MARCHF1: variants seen among roughly 807,000 people sequenced by gnomAD.
MARCHF1 encodes membrane associated ring-CH-type finger 1, also known as E3 ubiquitin-protein ligase MARCHF1.
Under a neutral mutation model 54.2 loss-of-function variants are expected in MARCHF1, and 40 were observed. The observed-to-expected ratio is 0.74, with a 90% CI of 0.57 to 0.96. MARCHF1 has a LOEUF of 0.96. MARCHF1 is among the 40% of genes least tolerant of loss of function. MARCHF1 has a pLI of 0.00. For synonymous variants in MARCHF1, 236 were observed against 236.3 expected (o/e 1.00, Z 0.01); for missense variants, 586 against 656.5 (o/e 0.89, Z 1.17).
At chr4:164,249,987 A>G (rs897380426) in intron 1 of MARCHF1, among the ~76,000 whole-genome samples, 1 of 152,128 alleles carries the variant, frequency 6.6e-6, no homozygotes, top group Non-Finnish European at 1.5e-5. Context: ...TACTGGTTTT[A>G]TCCTATTTAA....
intron 1 of MARCHF1, among the ~76,000 whole-genome samples, chr4:164,300,125 C>G (rs1053351494): frequency 6.6e-6 from 1 of 152,094 alleles, no homozygotes; most frequent in Non-Finnish European, 1.5e-5. Context: ...ACAATAGGCA[C>G]TCAATTCAAT....
chr4:163,825,499 G>T (rs866539840), intron 4 of MARCHF1, among the ~76,000 whole-genome samples: 3 of 151,940 alleles, frequency 2.0e-5, no homozygotes, highest in Admixed American at 1.3e-4. Context: ...TCCGTTTTAA[G>T]TTTTTTCAGA....
chr4:163,594,574 A>C (rs988604559), intron 7 of MARCHF1, among the ~76,000 whole-genome samples: 6 of 151,810 alleles, frequency 4.0e-5, no homozygotes, highest in African/African-American at 1.5e-4. Flanking sequence ...AATTTAAATA[A>C]AAAATTAAGA....
intron 1 of MARCHF1, among the ~76,000 whole-genome samples, chr4:164,140,180 CACAT>C (rs1267463726): frequency 6.6e-6 from 1 of 150,838 alleles, no homozygotes; most frequent in Non-Finnish European, 1.5e-5. Context: ...TGCACACACA[CACAT>C]ATACACATAC....
rs898945587 is a variant in MARCHF1 at position 164,009,454 on chromosome 4, A to G, written c.-247-20745T>C. Among the ~76,000 whole-genome samples the G allele has an allele frequency of 2.0e-4, 30 of 152,302 alleles. 2 individuals are homozygous for G. The East Asian group carries it at 5.2e-3, about 26-fold the overall frequency. ...TCTAAGCTCGTCTCACAAGGACAAC[A>G]TTACCCTGACACCAAAAGCAGATGA... is the stretch of plus-strand genomic sequence containing the variant. On this transcript the variant is annotated intron_variant, in intron 2 of 9. Coordinates refer to ENST00000514618, the MANE Select transcript of MARCHF1 (RefSeq NM_001394959.1).
chr4:163,642,152 G>A (rs1320491951), intron 5 of MARCHF1, among the ~76,000 whole-genome samples: 1 of 152,206 alleles, frequency 6.6e-6, no homozygotes, highest in African/African-American at 2.4e-5. Flanking sequence ...CTGAGCTTAA[G>A]TACGCAGGTG....
intron 4 of MARCHF1, among the ~76,000 whole-genome samples, chr4:163,749,790 G>A (rs902840254): frequency 6.6e-6 from 1 of 152,010 alleles, no homozygotes; most frequent in African/African-American, 2.4e-5. Flanking sequence ...TAGGCCAGGT[G>A]TGGTGACTCA....
intron 3 of MARCHF1, among the ~76,000 whole-genome samples, chr4:163,968,662 T>C (rs1560840778): frequency 2.6e-5 from 4 of 152,234 alleles, no homozygotes; most frequent in African/African-American, 2.4e-5. Flanking sequence ...CTCTTCCCAG[T>C]TGGGCACACC....
intron 1 of MARCHF1, among the ~76,000 whole-genome samples, chr4:164,382,001 T>A (rs1281997025): frequency 6.6e-6 from 1 of 152,192 alleles, no homozygotes; most frequent in Non-Finnish European, 1.5e-5. Flanking sequence ...AACATTGGTC[T>A]CTCAACATAG....
At chr4:164,232,391 C>G (rs776944902) in intron 1 of MARCHF1, among the ~76,000 whole-genome samples, 3 of 152,050 alleles carry the variant, frequency 2.0e-5, no homozygotes, top group Non-Finnish European at 4.4e-5. Flanking sequence ...CACAGATAGA[C>G]ATAATGACCA....
chr4:164,230,776 G>A (rs1732394297), intron 1 of MARCHF1, among the ~76,000 whole-genome samples: 2 of 152,030 alleles, frequency 1.3e-5, no homozygotes, highest in South Asian at 4.1e-4. Context: ...AATTCAGAAG[G>A]AATTTGTTAT....
chr4:163,747,302 G>A (rs575786578), intron 4 of MARCHF1, among the ~76,000 whole-genome samples: 1 of 152,298 alleles, frequency 6.6e-6, no homozygotes, highest in African/African-American at 2.4e-5. Flanking sequence ...TTATTGTAAA[G>A]TGATCCCAAG....
chr4:163,720,459 T>C (rs1310308021), intron 4 of MARCHF1, among the ~76,000 whole-genome samples: 2 of 152,006 alleles, frequency 1.3e-5, no homozygotes, highest in East Asian at 1.9e-4. Flanking sequence ...AGTCAGGTAG[T>C]GTGATGCCTC....
At chr4:164,273,214 T>C (rs1442027507) in intron 1 of MARCHF1, among the ~76,000 whole-genome samples, 1 of 152,064 alleles carries the variant, frequency 6.6e-6, no homozygotes, top group South Asian at 2.1e-4. Context: ...TCTACAATCA[T>C]GGCGGAAGAC....
intron 2 of MARCHF1, among the ~76,000 whole-genome samples, chr4:164,004,891 A>C (rs1753256019): frequency 6.6e-6 from 1 of 152,104 alleles, no homozygotes; most frequent in Non-Finnish European, 1.5e-5. Flanking sequence ...AAAGAGAAGC[A>C]AAAAGGTCTA....
intron 4 of MARCHF1, among the ~76,000 whole-genome samples, chr4:163,814,282 A>G (rs1748473789): frequency 6.6e-6 from 1 of 152,148 alleles, no homozygotes; most frequent in Admixed American, 6.6e-5. Context: ...CTCCATACTC[A>G]GGTTGGTCCC....
intron 1 of MARCHF1, among the ~76,000 whole-genome samples, chr4:164,112,027 G>C (rs903316151): frequency 2.6e-5 from 4 of 151,806 alleles, no homozygotes; most frequent in African/African-American, 9.7e-5. Context: ...TCCAAAGACA[G>C]AGGCAAAATT....
chr4:164,304,461 T>C (rs1734646659), intron 1 of MARCHF1, among the ~76,000 whole-genome samples: 1 of 152,194 alleles, frequency 6.6e-6, no homozygotes, highest in Admixed American at 6.5e-5. Context: ...TGCACTCATT[T>C]TGAAACTATT....
chr4:164,351,002 G>T (rs369081942), intron 1 of MARCHF1, among the ~76,000 whole-genome samples: 1 of 151,942 alleles, frequency 6.6e-6, no homozygotes, highest in African/African-American at 2.4e-5. Flanking sequence ...AAGGGGTGAC[G>T]GACGCACCTG....
Sources: gnomAD v4.1 joint callset for allele counts (sites outside exome capture counted in the v4.1 genomes callset) on GRCh38, gnomAD v4.1.1 for gene constraint, MANE v1.5 for transcripts, NCBI Gene and HGNC (gene_info 2026-07-23, HGNC 2026-07-21) for gene names.